CTNND2: variants seen among roughly 807,000 people sequenced by gnomAD.
The protein encoded by CTNND2 is catenin delta 2.
In CTNND2, 22 loss-of-function variants were observed where a neutral mutation model predicts 144.4. The observed-to-expected ratio is 0.15, with a 90% CI of 0.11 to 0.22. The LOEUF is 0.22. Ranked by LOEUF, CTNND2 falls within the 10% of genes least tolerant of loss-of-function variation. The pLI is 1.00. For missense variants in CTNND2, 1,353 were observed against 1,618.8 expected (o/e 0.84, Z 2.82); for synonymous variants, 751 against 695.6 (o/e 1.08, Z -1.25).
intron 7 of CTNND2, among the ~76,000 whole-genome samples, 160 bp from the exon 8 acceptor site, chr5:11,365,050 C>A (rs898401879): frequency 6.6e-6 from 1 of 152,254 alleles, no homozygotes; most frequent in African/African-American, 2.4e-5. Context: ...CCTAATCAGC[C>A]TGTCGGCATC....
intron 2 of CTNND2, among the ~76,000 whole-genome samples, chr5:11,694,442 A>G (rs1009086449): frequency 2.0e-5 from 3 of 152,042 alleles, no homozygotes; most frequent in African/African-American, 7.2e-5. Flanking sequence ...AAAAAAAAGA[A>G]AAAAAGAAAA....
At chr5:11,313,021 C>T (rs1480389242) in intron 9 of CTNND2, among the ~76,000 whole-genome samples, 1 of 152,282 alleles carries the variant, frequency 6.6e-6, no homozygotes, top group East Asian at 1.9e-4. Context: ...AGGTCAGAAT[C>T]TGAACATTAC....
chr5:11,612,421 G>C (rs1780376316), intron 2 of CTNND2, among the ~76,000 whole-genome samples: 1 of 152,040 alleles, frequency 6.6e-6, no homozygotes, highest in South Asian at 2.1e-4. Context: ...ATTACTAATG[G>C]CCTAAATAAG....
At chr5:11,114,653 A>G (rs1323159803) in intron 13 of CTNND2, among the ~76,000 whole-genome samples, 1 of 152,124 alleles carries the variant, frequency 6.6e-6, no homozygotes, top group African/African-American at 2.4e-5. Flanking sequence ...CTTATTTTCT[A>G]TTAGAAAGGG....
At chr5:11,321,881 T>A (rs946618879) in intron 9 of CTNND2, among the ~76,000 whole-genome samples, 1 of 152,142 alleles carries the variant, frequency 6.6e-6, no homozygotes, top group Non-Finnish European at 1.5e-5. Flanking sequence ...TTCCTAAAGC[T>A]TAACCCTATC....
chr5:11,107,543 C>T (rs1752543379), intron 14 of CTNND2, among the ~76,000 whole-genome samples: 2 of 152,232 alleles, frequency 1.3e-5, no homozygotes, highest in South Asian at 2.1e-4. Context: ...TTTCTCATAA[C>T]ACCTTCAGTG....
chr5:11,714,250 GA>G (rs1171699904), intron 2 of CTNND2, among the ~76,000 whole-genome samples: 1 of 152,090 alleles, frequency 6.6e-6, no homozygotes, highest in Non-Finnish European at 1.5e-5. Flanking sequence ...CTTCCAGACA[GA>G]AAAACAAATG....
At chr5:11,890,435 G>C (rs904748115) in intron 1 of CTNND2, among the ~76,000 whole-genome samples, 1 of 152,138 alleles carries the variant, frequency 6.6e-6, no homozygotes, top group African/African-American at 2.4e-5. Context: ...TGGAAAGGCA[G>C]GCAGCTCTTA....
In CTNND2 at chr5:11,159,647, C is replaced by T. The variant is rs369131247; in HGVS notation, c.2088G>A (p.Ser696=). ...VIIPHSGWEN[S]PLQDDRKIQL... Reference sequence around the variant, plus strand: ...GTATTTTCCGATCATCCTGAAGAGGCGAATTTTCCCAGCCTGAGTGGGGGA... The same window carrying T: ...GTATTTTCCGATCATCCTGAAGAGGTGAATTTTCCCAGCCTGAGTGGGGGA... The change falls in exon 12 of 22, where the codon TCG becomes TCA. Residue 696 remains serine (S), a synonymous_variant. Transcript: ENST00000304623. The T allele has an allele frequency of 9.9e-6, 16 of 1,613,498 alleles. No individual in the cohort carries two copies. Among genetic ancestry groups the T allele is most frequent in the African/African-American group, 5.3e-5 (4 of 74,872 alleles).
At chr5:11,543,707 C>T (rs1355496065) in intron 3 of CTNND2, among the ~76,000 whole-genome samples, 1 of 151,468 alleles carries the variant, frequency 6.6e-6, no homozygotes, top group Non-Finnish European at 1.5e-5. Context: ...CAATTAATAG[C>T]TCAGTCTAAA....
intron 3 of CTNND2, among the ~76,000 whole-genome samples, chr5:11,437,503 G>A (rs945603624): frequency 3.3e-5 from 5 of 152,150 alleles, no homozygotes; most frequent in African/African-American, 1.2e-4. Context: ...GGGAGGAAAT[G>A]GAAGAAATGC....
intron 3 of CTNND2, among the ~76,000 whole-genome samples, chr5:11,520,528 C>T (rs949179417): frequency 7.9e-5 from 12 of 152,206 alleles, no homozygotes; most frequent in African/African-American, 2.4e-4. Context: ...TAGAGGATCC[C>T]TTTCACAAGT....
chr5:11,184,567 T>C (rs886531793), intron 11 of CTNND2, among the ~76,000 whole-genome samples: 4 of 152,244 alleles, frequency 2.6e-5, no homozygotes, highest in East Asian at 1.9e-4. Context: ...CTTGAAGTAC[T>C]GAATGCTTTT....
chr5:11,426,748 A>G (rs1274285602), intron 3 of CTNND2, among the ~76,000 whole-genome samples: 2 of 152,212 alleles, frequency 1.3e-5, no homozygotes, highest in Non-Finnish European at 2.9e-5. Context: ...TGACCTTCTG[A>G]AAAACATGAA....
Position 11,865,745 on chromosome 5 carries a change from C to T in CTNND2, c.37+38072G>A, listed in dbSNP as rs73052518. 7.2e-3 allele frequency among the ~76,000 whole-genome samples: 1,099 copies of T among 151,790 alleles called. 15 individuals carry two copies. Among genetic ancestry groups the T allele is most frequent in the African/African-American group, 0.026 (1,063 of 41,396 alleles). Reference sequence around the variant, plus strand: ...ACCCTGGATTATTGAGGTGGGCTTACAATAATCATAAGGGTCTTGAGAAGT... The same window carrying T: ...ACCCTGGATTATTGAGGTGGGCTTATAATAATCATAAGGGTCTTGAGAAGT... On this transcript the variant is annotated intron_variant, in intron 1 of 21. Coordinates refer to ENST00000304623, the MANE Select transcript of CTNND2 (RefSeq NM_001332.4).
At chr5:11,465,914 T>C (rs557094237) in intron 3 of CTNND2, among the ~76,000 whole-genome samples, 2 of 152,342 alleles carry the variant, frequency 1.3e-5, no homozygotes, top group African/African-American at 4.8e-5. Flanking sequence ...TGGCCAGTTC[T>C]GGATAACCTT....
chr5:11,178,175 C>A (rs759306466), intron 11 of CTNND2, among the ~76,000 whole-genome samples: 3 of 152,166 alleles, frequency 2.0e-5, no homozygotes, highest in Non-Finnish European at 4.4e-5. Context: ...AACATACTGT[C>A]ACCCATGATG....
chr5:11,435,949 T>C (rs376759043), intron 3 of CTNND2, among the ~76,000 whole-genome samples: 2 of 152,204 alleles, frequency 1.3e-5, no homozygotes, highest in African/African-American at 2.4e-5. Flanking sequence ...TTAGTACTCA[T>C]GTATAATGGC....
intron 12 of CTNND2, among the ~76,000 whole-genome samples, chr5:11,129,113 A>G (rs1283041280): frequency 4.7e-5 from 1 of 21,406 alleles, no homozygotes; most frequent in Admixed American, 8.0e-4. Context: ...AAATATATAT[A>G]TTATATATAA....
Sources: gnomAD v4.1 joint callset for allele counts (sites outside exome capture counted in the v4.1 genomes callset) on GRCh38, gnomAD v4.1.1 for gene constraint, MANE v1.5 for transcripts, NCBI Gene and HGNC (gene_info 2026-07-23, HGNC 2026-07-21) for gene names.